Variants in ADGRL2 observed in about 807,000 individuals in gnomAD.
ADGRL2 encodes the protein calcium-independent alpha-latrotoxin receptor 2.
Under a neutral mutation model 157.4 loss-of-function variants are expected in ADGRL2, and 44 were observed. The observed-to-expected ratio is 0.28, with a 90% CI of 0.22 to 0.36. ADGRL2 has a LOEUF of 0.36. Among genes scored for constraint, ADGRL2 ranks in the 10% least tolerant of loss-of-function variants. The probability of loss-of-function intolerance (pLI) is 1.00; values close to 1 mark genes in which losing one functional copy is unlikely to be tolerated. For synonymous variants in ADGRL2, 585 were observed against 624.7 expected (o/e 0.94, Z 0.95); for missense variants, 1,510 against 1,768.9 (o/e 0.85, Z 2.63).
intron 1 of ADGRL2, among the ~76,000 whole-genome samples, chr1:81,811,149 A>T (rs2089826010): frequency 6.6e-6 from 1 of 151,860 alleles, no homozygotes; most frequent in Admixed American, 6.6e-5. Flanking sequence ...TTAAGCAGAA[A>T]ACCCCACAAA....
At chr1:81,732,047 G>A (rs2084743876) in intron 1 of ADGRL2, among the ~76,000 whole-genome samples, 1 of 152,038 alleles carries the variant, frequency 6.6e-6, no homozygotes, top group Non-Finnish European at 1.5e-5. Context: ...CCTACTTATT[G>A]CTGTTAACAC....
At chr1:81,469,639 C>T (rs1419276677) in intron 2 of ADGRL2, among the ~76,000 whole-genome samples, 1 of 152,194 alleles carries the variant, frequency 6.6e-6, no homozygotes, top group Non-Finnish European at 1.5e-5. Flanking sequence ...AAAAAAACCA[C>T]AGGCGGGCTC....
intron 3 of ADGRL2, among the ~76,000 whole-genome samples, chr1:81,645,087 CTT>C (rs1003180339): frequency 1.7e-4 from 26 of 151,994 alleles, no homozygotes; most frequent in African/African-American, 6.3e-4. Context: ...CATTTTCTCT[CTT>C]ATGAAATACA....
chr1:81,375,657 A>G (rs2076236406), intron 1 of ADGRL2, among the ~76,000 whole-genome samples: 1 of 152,188 alleles, frequency 6.6e-6, no homozygotes, highest in Non-Finnish European at 1.5e-5. Context: ...TACTGCAAGA[A>G]TATCAGTACT....
chr1:81,708,947 A>G (rs995572491), intron 1 of ADGRL2, among the ~76,000 whole-genome samples: 5 of 152,134 alleles, frequency 3.3e-5, no homozygotes, highest in African/African-American at 9.7e-5. Context: ...CCAAGGAGAC[A>G]GGAAAGGAAA....
chr1:81,972,112 T>TA, intron 17 of ADGRL2, among the ~76,000 whole-genome samples, 194 bp downstream of exon 17: 1 of 152,256 alleles, frequency 6.6e-6, no homozygotes, highest in African/African-American at 2.4e-5. Context: ...ATCTTTACTC[T>TA]AAAAAGTACT....
intron 2 of ADGRL2, among the ~76,000 whole-genome samples, chr1:81,898,833 CCTT>C (rs747083221): frequency 6.6e-6 from 1 of 152,142 alleles, no homozygotes; most frequent in Non-Finnish European, 1.5e-5. Context: ...GTCCCCTCCT[CCTT>C]AAGTATTTTT....
intron 1 of ADGRL2, among the ~76,000 whole-genome samples, chr1:81,812,209 A>ATTG (rs906804684): frequency 2.3e-3 from 344 of 151,826 alleles, no homozygotes; most frequent in Non-Finnish European, 4.1e-3. Context: ...CCTTGTTATT[A>ATTG]CCTGCAGAGG....
chr1:81,727,045 C>T (rs1235217716), intron 1 of ADGRL2, among the ~76,000 whole-genome samples: 3 of 152,322 alleles, frequency 2.0e-5, no homozygotes, highest in African/African-American at 7.2e-5. Context: ...TGATGTCAAA[C>T]ATGTACAGTA....
intron 2 of ADGRL2, among the ~76,000 whole-genome samples, chr1:81,449,602 CTTTA>C (rs915430251): frequency 8.2e-4 from 125 of 152,154 alleles, no homozygotes; most frequent in African/African-American, 2.8e-3. Context: ...ATTTGTTTTA[CTTTA>C]TTTATTTATT....
chr1:81,888,615 T>C (rs752839232), intron 2 of ADGRL2, among the ~76,000 whole-genome samples: 15 of 152,094 alleles, frequency 9.9e-5, no homozygotes, highest in African/African-American at 1.4e-4. Flanking sequence ...ATTTTGTTTT[T>C]GTATTTTTAG....
At chr1:81,520,428 G>A (rs2079286531) in intron 2 of ADGRL2, among the ~76,000 whole-genome samples, 1 of 151,800 alleles carries the variant, frequency 6.6e-6, no homozygotes, top group African/African-American at 2.4e-5. Flanking sequence ...ACCTTTTAAA[G>A]TCTCTGATAT....
At chr1:81,781,586 A>G (rs1318596679) in intron 2 of ADGRL2, among the ~76,000 whole-genome samples, 1 of 152,194 alleles carries the variant, frequency 6.6e-6, no homozygotes, top group Non-Finnish European at 1.5e-5. Context: ...TTGTTATCAC[A>G]GGACTGATAG....
intron 2 of ADGRL2, among the ~76,000 whole-genome samples, chr1:81,486,048 C>T (rs2078493577): frequency 1.3e-5 from 2 of 152,114 alleles, no homozygotes. Context: ...CTTGTAAAAT[C>T]ATGCTTAAAT....
At chr1:81,929,563 T>C (rs2095182625) in intron 3 of ADGRL2, among the ~76,000 whole-genome samples, 1 of 152,148 alleles carries the variant, frequency 6.6e-6, no homozygotes, top group Admixed American at 6.6e-5. Flanking sequence ...TCTCCATACT[T>C]TGCACTTGGT....
chr1:81,950,281 A>G lies in ADGRL2; in HGVS notation c.1303A>G (p.Ser435Gly), dbSNP rs1307554352. 1 of 1,614,116 alleles carries G rather than the reference A, an allele frequency of 6.2e-7. No homozygotes were observed. Among genetic ancestry groups the G allele is most frequent in the Admixed American group, 1.7e-5 (1 of 60,010 alleles). Reference protein sequence around the residue: ...TSTTSQKGPMSTTVAGSQEGS... With the variant: ...TSTTSQKGPMGTTVAGSQEGS... The stretch of plus-strand genomic sequence containing the variant: ...CACTACTTCACAGAAAGGCCCCATG[A>G]GCACAACTGTAGCTGGATCACAGGA... The change falls in exon 7 of 24, where the codon AGC (serine) becomes GGC (glycine). Residue 435 changes from serine to glycine, a missense_variant. Transcript: ENST00000686636.
At chr1:81,755,303 T>A (rs973349299) in intron 1 of ADGRL2, among the ~76,000 whole-genome samples, 4 of 151,134 alleles carry the variant, frequency 2.6e-5, no homozygotes, top group Non-Finnish European at 5.9e-5. Context: ...TAAAAATTAT[T>A]TAGCAATTTG....
At chr1:81,326,747 T>C (rs1660928675) in intron 1 of ADGRL2, among the ~76,000 whole-genome samples, 1 of 152,238 alleles carries the variant, frequency 6.6e-6, no homozygotes, top group Non-Finnish European at 1.5e-5. Context: ...CAGACAGTTA[T>C]ATCTTCAGTT....
intron 2 of ADGRL2, among the ~76,000 whole-genome samples, chr1:81,886,901 T>C (rs917140622): frequency 1.3e-5 from 2 of 152,124 alleles, no homozygotes; most frequent in Non-Finnish European, 2.9e-5. Context: ...AAGAGGGTAA[T>C]CCCTTGGTAG....
Sources: gnomAD v4.1 joint callset for allele counts (sites outside exome capture counted in the v4.1 genomes callset) on GRCh38, gnomAD v4.1.1 for gene constraint, MANE v1.5 for transcripts, NCBI Gene and HGNC (gene_info 2026-07-23, HGNC 2026-07-21) for gene names.